The following FTO variants were observed in gnomAD, a reference collection of about 807,000 sequenced individuals.
FTO encodes the protein alpha-ketoglutarate-dependent dioxygenase FTO.
FTO carries 47 observed loss-of-function variants against 63.9 expected under a neutral mutation model. The observed-to-expected ratio is 0.74, with a 90% CI of 0.58 to 0.94. The LOEUF is 0.94. Among genes scored for constraint, FTO ranks in the 40% least tolerant of loss-of-function variants. The probability of loss-of-function intolerance (pLI) is 0.00; values close to 1 mark genes in which losing one functional copy is unlikely to be tolerated. For missense variants in FTO, 562 were observed against 618.1 expected, an observed-to-expected ratio of 0.91 and a Z score of 0.96; for synonymous variants, 207 against 224.4, an observed-to-expected ratio of 0.92 and a Z score of 0.69.
At chr16:53,926,883 C>T (rs1390160674) in intron 7 of FTO, among the ~76,000 whole-genome samples, 2 of 151,772 alleles carry the variant, frequency 1.3e-5, no homozygotes, top group African/African-American at 4.8e-5. Context: ...TGTGTGTGTC[C>T]TCCAAATGCC....
chr16:53,974,615 A>G (rs762391311), intron 8 of FTO, among the ~76,000 whole-genome samples: 1 of 151,730 alleles, frequency 6.6e-6, no homozygotes. Flanking sequence ...ATAGCATATA[A>G]CGAAATGAAC....
intron 8 of FTO, among the ~76,000 whole-genome samples, chr16:54,024,904 A>C (rs1361536952): frequency 6.6e-6 from 1 of 152,254 alleles, no homozygotes; most frequent in Non-Finnish European, 1.5e-5. Context: ...GAAGCTAACT[A>C]GTCAATAGAT....
chr16:53,963,667 T>C (rs960031228), intron 8 of FTO, among the ~76,000 whole-genome samples: 3 of 152,212 alleles, frequency 2.0e-5, no homozygotes, highest in Admixed American at 2.0e-4. Context: ...CCTTCCACCA[T>C]TGTAAGTTTC....
chr16:53,909,798 A>G (rs1405031403), intron 7 of FTO, among the ~76,000 whole-genome samples: 3 of 152,058 alleles, frequency 2.0e-5, no homozygotes. Flanking sequence ...TCCTGACCTC[A>G]GGTGATCCGC....
intron 4 of FTO, among the ~76,000 whole-genome samples, chr16:53,855,778 G>A (rs905926292): frequency 1.3e-5 from 2 of 151,898 alleles, no homozygotes; most frequent in African/African-American, 2.4e-5. Context: ...AACTAACCAC[G>A]TGACATCACA....
intron 4 of FTO, among the ~76,000 whole-genome samples, chr16:53,848,964 T>C (rs538102994): frequency 1.3e-5 from 2 of 152,376 alleles, no homozygotes; most frequent in South Asian, 4.1e-4. Flanking sequence ...AATCTCACTT[T>C]CAAGTATTTG....
chr16:53,844,705 C>T (rs191854595), intron 4 of FTO, among the ~76,000 whole-genome samples: 6,658 of 152,262 alleles, frequency 0.044, 205 homozygotes, highest in Non-Finnish European at 0.064. Flanking sequence ...GGTGATCCAC[C>T]TGCCTCGGTC....
intron 2 of FTO, among the ~76,000 whole-genome samples, chr16:53,819,555 G>A (rs1418790518): frequency 2.6e-5 from 4 of 151,892 alleles, no homozygotes; most frequent in Non-Finnish European, 5.9e-5. Flanking sequence ...ATTTTTAATG[G>A]TTCTGCATTA....
At chr16:53,911,537 TG>T (rs1405672335) in intron 7 of FTO, 6 of 701,286 alleles carry the variant, frequency 8.6e-6, no homozygotes, top group Non-Finnish European at 1.3e-5. Context: ...TAGATGCATT[TG>T]TGTCATCTGA....
At chr16:53,800,970 A>C (rs902261306) in intron 1 of FTO, among the ~76,000 whole-genome samples, 4 of 152,070 alleles carry the variant, frequency 2.6e-5, no homozygotes, top group Non-Finnish European at 5.9e-5. Flanking sequence ...TTTTACTTTA[A>C]ATCAATTTGT....
chr16:54,024,662 T>G (rs1295070989), intron 8 of FTO, among the ~76,000 whole-genome samples: 2 of 152,196 alleles, frequency 1.3e-5, no homozygotes, highest in African/African-American at 4.8e-5. Flanking sequence ...TTAACCATTC[T>G]CCCTCGGTTT....
chr16:53,782,265 C>A (rs1262112538), intron 1 of FTO, among the ~76,000 whole-genome samples: 3 of 152,206 alleles, frequency 2.0e-5, no homozygotes, highest in African/African-American at 7.2e-5. Flanking sequence ...TTTCCATAAT[C>A]ACTTTAAACT....
At chr16:53,717,488 C>T (rs1267677663) in intron 1 of FTO, among the ~76,000 whole-genome samples, 2 of 151,950 alleles carry the variant, frequency 1.3e-5, no homozygotes, top group Non-Finnish European at 2.9e-5. Context: ...TCTTTTCTTA[C>T]TGATTTGGAA....
rs373705985 is a variant in FTO, at chr16:53,879,999, C to CT, written c.1119+25dup. 0.085 allele frequency: 96,707 copies of CT among 1,134,658 alleles called. 476 individuals are homozygous for CT. Among genetic ancestry groups the CT allele is most frequent in the African/African-American group, 0.17 (10,938 of 64,708 alleles). The allele number at this position is 1,134,658 out of a possible 1,614,324, so 70.3% of individuals were successfully genotyped here. The stretch of plus-strand genomic sequence containing the variant: ...AAATTCATAATGAGGTAAGGACTTT[C>CT]TTTTTTTTTTTTTGAGATGGAGTCT... On this transcript the variant is annotated intron_variant, in intron 6 of 8. Coordinates refer to ENST00000471389, the MANE Select transcript of FTO (RefSeq NM_001080432.3).
chr16:53,970,111 A>G (rs1232163847), intron 8 of FTO, among the ~76,000 whole-genome samples: 1 of 152,224 alleles, frequency 6.6e-6, no homozygotes, highest in East Asian at 1.9e-4. Flanking sequence ...TGAGGAGAGT[A>G]GTAGATTGGA....
chr16:53,891,073 C>T (rs1050482695), intron 7 of FTO, among the ~76,000 whole-genome samples: 1 of 151,850 alleles, frequency 6.6e-6, no homozygotes, highest in Non-Finnish European at 1.5e-5. Flanking sequence ...TCACTGCAAC[C>T]TCCGCCTCCC....
chr16:53,826,828 A>G (rs1389317440), intron 3 of FTO, among the ~76,000 whole-genome samples: 1 of 152,226 alleles, frequency 6.6e-6, no homozygotes, highest in Non-Finnish European at 1.5e-5. Context: ...TCTACAGCTC[A>G]GAGGAGATTG....
Position 53,826,387 on chromosome 16 carries a change from A to G in FTO, c.647A>G (p.Lys216Arg), listed in dbSNP as rs924124172. 1 of 1,614,074 alleles carries G rather than the reference A, an allele frequency of 6.2e-7. No homozygotes were observed. Among genetic ancestry groups the G allele is most frequent in the Non-Finnish European group, 8.5e-7 (1 of 1,180,026 alleles). Residue 216 changes from lysine to arginine, a missense_variant, in exon 3 of 9, where the codon AAA (lysine) becomes AGA (arginine). Physicochemically the swap from Lys to Arg is conservative, Grantham distance 26 (BLOSUM62 2). Coordinates refer to ENST00000471389, the MANE Select transcript of FTO (RefSeq NM_001080432.3). ...GATCCTCAGAAAATGCCATACCTGAAAGAGGAACCTTATTTTGGCATGGGG... is the reference window on the plus strand; with the variant it reads ...GATCCTCAGAAAATGCCATACCTGAGAGAGGAACCTTATTTTGGCATGGGG... ...FMDPQKMPYLKEEPYFGMGKM... is the reference protein window; with the variant it reads ...FMDPQKMPYLREEPYFGMGKM...
intron 1 of FTO, among the ~76,000 whole-genome samples, chr16:53,717,296 A>T (rs1423388897): frequency 6.6e-6 from 1 of 152,070 alleles, no homozygotes; most frequent in Non-Finnish European, 1.5e-5. Context: ...TAACACTGGG[A>T]ATTATCAGAA....
Sources: gnomAD v4.1 joint callset for allele counts (sites outside exome capture counted in the v4.1 genomes callset) on GRCh38, gnomAD v4.1.1 for gene constraint, MANE v1.5 for transcripts, NCBI Gene and HGNC (gene_info 2026-07-23, HGNC 2026-07-21) for gene names.